The following PAK5 variants were observed in gnomAD, a reference collection of about 807,000 sequenced individuals.
The protein encoded by PAK5 is p21 (RAC1) activated kinase 5.
Under a neutral mutation model 65.9 loss-of-function variants are expected in PAK5, and 16 were observed. The observed-to-expected ratio is 0.24, with a 90% CI of 0.16 to 0.37. PAK5 has a LOEUF of 0.37. PAK5 is among the 10% of genes least tolerant of loss of function. The pLI, the probability that PAK5 is intolerant of heterozygous loss-of-function variation, is 1.00. For synonymous variants in PAK5, 371 were observed against 354.9 expected, an observed-to-expected ratio of 1.05 and a Z score of -0.51; for missense variants, 785 against 903.9, an observed-to-expected ratio of 0.87 and a Z score of 1.69.
intron 1 of PAK5, among the ~76,000 whole-genome samples, chr20:9,811,583 C>T (rs560935927): frequency 1.3e-3 from 198 of 152,264 alleles, no homozygotes; most frequent in Non-Finnish European, 2.4e-3. Flanking sequence ...GGACAGCCCA[C>T]GGAACTGAAC....
chr20:9,619,602 G>C (rs1294987903), intron 3 of PAK5, among the ~76,000 whole-genome samples: 1 of 152,176 alleles, frequency 6.6e-6, no homozygotes, highest in Non-Finnish European at 1.5e-5. Context: ...TGAGGAGCTC[G>C]CCTTTCCAAG....
chr20:9,804,772 G>GGT (rs1455990684), intron 1 of PAK5, among the ~76,000 whole-genome samples: 3 of 152,164 alleles, frequency 2.0e-5, no homozygotes, highest in Non-Finnish European at 4.4e-5. Context: ...GTGTGGGCCA[G>GGT]GTGTGATGGC....
chr20:9,615,583 T>A (rs1203549936), intron 3 of PAK5, among the ~76,000 whole-genome samples: 1 of 152,204 alleles, frequency 6.6e-6, no homozygotes, highest in Middle Eastern at 3.2e-3. Context: ...TGACTTAGAA[T>A]AAGTCCTTCG....
At chr20:9,666,123 A>G (rs1361450750) in intron 2 of PAK5, among the ~76,000 whole-genome samples, 1 of 152,190 alleles carries the variant, frequency 6.6e-6, no homozygotes, top group Non-Finnish European at 1.5e-5. Context: ...GAGGAAGGGA[A>G]AAGTAGAGTT....
intron 1 of PAK5, among the ~76,000 whole-genome samples, chr20:9,741,582 T>G (rs1202905532): frequency 6.6e-6 from 1 of 152,124 alleles, no homozygotes; most frequent in Non-Finnish European, 1.5e-5. Context: ...TAGCCTCAAT[T>G]TTTTCATCTA....
At chr20:9,799,026 A>G (rs895713816) in intron 1 of PAK5, among the ~76,000 whole-genome samples, 25 of 152,190 alleles carry the variant, frequency 1.6e-4, no homozygotes, top group African/African-American at 6.0e-4. Context: ...AAAGGAAAGA[A>G]TTAAAAAGTA....
At chr20:9,767,105 G>T (rs139669952) in intron 1 of PAK5, among the ~76,000 whole-genome samples, 1 of 152,062 alleles carries the variant, frequency 6.6e-6, no homozygotes, top group Non-Finnish European at 1.5e-5. Context: ...CTGAACCACT[G>T]CACCAATCTT....
intron 1 of PAK5, among the ~76,000 whole-genome samples, chr20:9,768,824 A>G (rs2048801434): frequency 6.6e-6 from 1 of 151,038 alleles, no homozygotes. Flanking sequence ...AAAGAAAGAA[A>G]AAAAAAAAAC....
At position 9,680,896 on chromosome 20, in the gene PAK5, T is replaced by A. The variant is rs570612222; in HGVS notation, c.-12+30390A>T. Among the ~76,000 whole-genome samples, 250 of 152,334 alleles carry A rather than the reference T, an allele frequency of 1.6e-3. 3 individuals are homozygous for A. The highest frequency in any genetic ancestry group is 0.01 in the Middle Eastern group (3 of 294). On this transcript the variant is annotated intron_variant, in intron 2 of 9. Transcript: ENST00000353224. The stretch of plus-strand genomic sequence containing the variant: ...ATGTCCACTTCAGAAGAATGTGTAT[T>A]CTGCAATTGTTAGGTGCGGCGTTTT...
intron 6 of PAK5, among the ~76,000 whole-genome samples, chr20:9,558,035 T>C (rs545382194): frequency 1.6e-4 from 20 of 125,414 alleles, no homozygotes; most frequent in South Asian, 2.3e-4. Context: ...TTTATTTATT[T>C]ATTTATTTAT....
intron 3 of PAK5, among the ~76,000 whole-genome samples, chr20:9,590,330 C>T (rs2046145647): frequency 3.9e-5 from 6 of 152,092 alleles, no homozygotes; most frequent in Admixed American, 3.9e-4. Context: ...TTGCATTTTA[C>T]TTGTATTGAG....
At chr20:9,714,096 T>G (rs2048112161) in intron 1 of PAK5, among the ~76,000 whole-genome samples, 1 of 152,144 alleles carries the variant, frequency 6.6e-6, no homozygotes, top group Non-Finnish European at 1.5e-5. Flanking sequence ...ATTGTATACA[T>G]GTATCAAAAC....
At chr20:9,714,950 A>G (rs1025100711) in intron 1 of PAK5, among the ~76,000 whole-genome samples, 1 of 152,218 alleles carries the variant, frequency 6.6e-6, no homozygotes, top group Non-Finnish European at 1.5e-5. Context: ...CCCTAGAAGA[A>G]AACCTAGGCA....
At chr20:9,633,065 T>C (rs985269061) in intron 3 of PAK5, among the ~76,000 whole-genome samples, 15 of 152,196 alleles carry the variant, frequency 9.9e-5, no homozygotes, top group South Asian at 2.1e-4. Context: ...TCAGTTGTCC[T>C]ATAAGGTTGC....
chr20:9,706,587 T>A (rs2048010854), intron 2 of PAK5, among the ~76,000 whole-genome samples: 1 of 151,236 alleles, frequency 6.6e-6, no homozygotes, highest in African/African-American at 2.4e-5. Context: ...CAAGTGATCC[T>A]CCCACCTCAG....
chr20:9,793,829 A>G (rs1360090552), intron 1 of PAK5, among the ~76,000 whole-genome samples: 1 of 152,186 alleles, frequency 6.6e-6, no homozygotes, highest in Non-Finnish European at 1.5e-5. Context: ...ATTACTGAGT[A>G]TATACCCAAA....
rs539880073 is a variant in PAK5, at chr20:9,746,682, T to C, written c.-161-35247A>G. ...CTCATTAATGTGAATGAGAAACTTA[T>C]TTAATTAATTCAATTTCAAATAGCC... On this transcript the variant is annotated intron_variant, in intron 1 of 9. Coordinates refer to ENST00000353224, the MANE Select transcript of PAK5 (RefSeq NM_177990.4). Among the ~76,000 whole-genome samples the C allele has an allele frequency of 2.6e-5, 4 of 152,146 alleles. No homozygotes were observed. The East Asian group carries it at 7.8e-4, about 30-fold the overall frequency.
rs1049071633 is a variant in PAK5 at position 9,568,091 on chromosome 20, G to A, written c.991-1707C>T. 5.3e-5 allele frequency among the ~76,000 whole-genome samples: 8 copies of A among 152,274 alleles called. No homozygotes were observed. In the East Asian group the frequency reaches 5.8e-4, roughly 11 times the overall value. On this transcript the variant is annotated intron_variant, in intron 4 of 9. Transcript: ENST00000353224. ...AAGGAAGATGGGCCGAGAAGCTGCC[G>A]GGGGACAGATCATGAAGACCTTGGC...
chr20:9,658,113 G>A (rs2047293872), intron 2 of PAK5, among the ~76,000 whole-genome samples: 1 of 152,180 alleles, frequency 6.6e-6, no homozygotes, highest in African/African-American at 2.4e-5. Flanking sequence ...AAATATCACT[G>A]TTATTTGTTT....
Sources: gnomAD v4.1 joint callset for allele counts (sites outside exome capture counted in the v4.1 genomes callset) on GRCh38, gnomAD v4.1.1 for gene constraint, MANE v1.5 for transcripts, NCBI Gene and HGNC (gene_info 2026-07-23, HGNC 2026-07-21) for gene names.